The following MPDZ variants were observed in gnomAD, a reference collection of about 807,000 sequenced individuals.
The protein encoded by MPDZ is multiple PDZ domain protein.
MPDZ carries 234 observed loss-of-function variants against 239.1 expected under a neutral mutation model. The ratio of observed to expected loss-of-function variants is 0.98; its 90% CI spans 0.88 to 1.09. The LOEUF is 1.09. Ranked by LOEUF, MPDZ falls within the 50% of genes least tolerant of loss-of-function variation. The probability of loss-of-function intolerance (pLI) is 0.00; values close to 1 mark genes in which losing one functional copy is unlikely to be tolerated. For synonymous variants in MPDZ, 1,048 were observed against 881.3 expected, an observed-to-expected ratio of 1.19 and a Z score of -3.35; for missense variants, 3,175 against 2,510.0, an observed-to-expected ratio of 1.26 and a Z score of -5.66.
chr9:13,198,006 C>A (rs563363148), intron 12 of MPDZ, among the ~76,000 whole-genome samples: 1 of 152,210 alleles, frequency 6.6e-6, no homozygotes, highest in Non-Finnish European at 1.5e-5. Flanking sequence ...TTGATCGGCA[C>A]TTAGGTTGCT....
chr9:13,250,362 A>G lies in MPDZ; in HGVS notation c.-47T>C. On this transcript the variant is annotated 5_prime_UTR_variant, in exon 2 of 47. Coordinates refer to ENST00000319217, the MANE Select transcript of MPDZ (RefSeq NM_001378778.1). ...TTCTCTGAAATGATTAACAGCAATT[A>G]AAATGGAACTCTGTGCAAAAAAGAA... The G allele has an allele frequency of 6.5e-7, 1 of 1,527,860 alleles. No individual in the cohort carries two copies. The highest frequency in any genetic ancestry group is 8.9e-7 in the Non-Finnish European group (1 of 1,120,506). The allele number at this position is 1,527,860 out of a possible 1,614,324, so 94.6% of individuals were successfully genotyped here. A position where few individuals can be genotyped will look rare whatever the true frequency, so the allele number is the denominator to read the frequency against.
At chr9:13,258,572 T>A (rs1969969713) in intron 1 of MPDZ, among the ~76,000 whole-genome samples, 1 of 152,240 alleles carries the variant, frequency 6.6e-6, no homozygotes, top group Non-Finnish European at 1.5e-5. Flanking sequence ...GCAATATTTA[T>A]ACTTTCAGTC....
rs145384556 is a variant in MPDZ, at chr9:13,112,862, A to T, written c.5601+149T>A. The T allele has an allele frequency of 3.5e-4, 274 of 773,598 alleles. 1 individual carries two copies. In the African/African-American group the frequency reaches 4.3e-3, roughly 12 times the overall value. The allele number at this position is 773,598 out of a possible 1,614,324, so 47.9% of individuals were successfully genotyped here. A position where few individuals can be genotyped will look rare whatever the true frequency, so the allele number is the denominator to read the frequency against. On this transcript the variant is annotated intron_variant, in intron 42 of 46. Transcript: ENST00000319217. The stretch of plus-strand genomic sequence containing the variant: ...GCTGTGATCAGGAAATTCATTAAGG[A>T]CTACATTATGTTATTTCACATGTAA...
chr9:13,193,366 A>C lies in MPDZ; in HGVS notation c.1657-53T>G, dbSNP rs1052215089. On this transcript the variant is annotated intron_variant, in intron 13 of 46. Coordinates refer to ENST00000319217, the MANE Select transcript of MPDZ (RefSeq NM_001378778.1). ...CAATTTTTATATTCTTTTTATTTTTACTCATGCACACATTTTATGTTTTAT... is the reference window on the plus strand; with the variant it reads ...CAATTTTTATATTCTTTTTATTTTTCCTCATGCACACATTTTATGTTTTAT... 274 of 1,514,388 alleles carry C rather than the reference A, an allele frequency of 1.8e-4. 2 individuals are homozygous for C. Among genetic ancestry groups the C allele is most frequent in the Admixed American group, 4.3e-4 (22 of 50,970 alleles). 93.8% of individuals were successfully genotyped at this position (1,514,388 alleles called of 1,614,324 possible). A position where few individuals can be genotyped will look rare whatever the true frequency, so the allele number is the denominator to read the frequency against.
At chr9:13,200,491 C>T (rs1402344383) in intron 12 of MPDZ, among the ~76,000 whole-genome samples, 1 of 151,826 alleles carries the variant, frequency 6.6e-6, no homozygotes, top group African/African-American at 2.4e-5. Flanking sequence ...TCTTGCTCTT[C>T]TAAGGTTCAT....
At chr9:13,168,008 G>C (rs1649592871) in intron 22 of MPDZ, among the ~76,000 whole-genome samples, 1 of 152,036 alleles carries the variant, frequency 6.6e-6, no homozygotes, top group African/African-American at 2.4e-5. Flanking sequence ...CAATTAGGTA[G>C]GGTACAATTC....
intron 27 of MPDZ, among the ~76,000 whole-genome samples, 182 bp downstream of exon 27, chr9:13,143,284 C>T (rs373261407): frequency 6.6e-6 from 1 of 152,084 alleles, no homozygotes; most frequent in East Asian, 1.9e-4. Flanking sequence ...AATAAATATT[C>T]TCTGGCAGGA....
Position 13,206,010 on chromosome 9 carries a change from C to T in MPDZ, c.1380G>A (p.Met460Ile). ...CGGCTTCCTGCTTCATTCCTCTCCT[C>T]ATTAGTGTCAGGAGCACAGTTTGTC... ...HTGQTVLLTL[M>I]RRGMKQEAEL... The change falls in exon 11 of 47, where the codon ATG becomes ATA. Residue 460 changes from methionine to isoleucine, a missense_variant. Met to Ile is a conservative substitution (Grantham distance 10). Transcript: ENST00000319217. 1 of 1,612,810 alleles carries T rather than the reference C, an allele frequency of 6.2e-7. No homozygotes were observed. Among genetic ancestry groups the T allele is most frequent in the Non-Finnish European group, 8.5e-7 (1 of 1,179,534 alleles).
At chr9:13,273,093 G>A (rs765661465) in intron 1 of MPDZ, among the ~76,000 whole-genome samples, 5 of 152,056 alleles carry the variant, frequency 3.3e-5, no homozygotes, top group Non-Finnish European at 2.9e-5. Flanking sequence ...ACAGCAACAC[G>A]GCATCATCTA....
At chr9:13,225,412 G>C (rs947774723) in intron 3 of MPDZ, among the ~76,000 whole-genome samples, 1 of 151,266 alleles carries the variant, frequency 6.6e-6, no homozygotes, top group South Asian at 2.1e-4. Context: ...CCATTATATT[G>C]GCTATCTAGT....
At chr9:13,222,949 T>TCC (rs1959225538) in intron 5 of MPDZ, among the ~76,000 whole-genome samples, 2 of 151,760 alleles carry the variant, frequency 1.3e-5, no homozygotes, top group Admixed American at 6.6e-5. Context: ...GGGGATCAAA[T>TCC]ATACTCAAAA....
intron 1 of MPDZ, among the ~76,000 whole-genome samples, chr9:13,275,929 C>CA: frequency 6.6e-6 from 1 of 152,212 alleles, no homozygotes; most frequent in South Asian, 2.1e-4. Context: ...TACTTCATAT[C>CA]AAAAAAACTT....
chr9:13,138,140 C>G lies in MPDZ; in HGVS notation c.4017G>C (p.Glu1339Asp). Residue 1339 changes from glutamate (E) to aspartate (D), a missense_variant, in exon 29 of 47, where the codon GAG becomes GAC. By Grantham distance (45) the Glu-to-Asp change is conservative. Transcript: ENST00000319217. ...GCTCGCCTGTTAGGGTTCCATAACG[C>G]TCTCTGATATTTTCTACATACAACA... ...EFGYSWKNIR[E>D]RYGTLTGELH... 3 of 1,583,308 alleles carry G rather than the reference C, an allele frequency of 1.9e-6. No homozygotes were observed. Among genetic ancestry groups the G allele is most frequent in the Non-Finnish European group, 2.6e-6 (3 of 1,164,852 alleles).
chr9:13,112,153 T>C lies in MPDZ; in HGVS notation c.5602-7A>G. ...CCAGTGAGTCAGTAGGGCCCTGCCATGGAACAGATATAAAATTTTGGTCAA... is the reference window on the plus strand; with the variant it reads ...CCAGTGAGTCAGTAGGGCCCTGCCACGGAACAGATATAAAATTTTGGTCAA... On this transcript the variant is annotated splice_region_variant and splice_polypyrimidine_tract_variant and intron_variant, in intron 42 of 46. Transcript: ENST00000319217. 6.2e-7 allele frequency: 1 copy of C among 1,602,954 alleles called. No individual in the cohort carries two copies. The highest frequency in any genetic ancestry group is 8.5e-7 in the Non-Finnish European group (1 of 1,174,484).
chr9:13,237,265 A>G (rs1964294785), intron 3 of MPDZ, among the ~76,000 whole-genome samples: 1 of 151,452 alleles, frequency 6.6e-6, no homozygotes, highest in Non-Finnish European at 1.5e-5. Flanking sequence ...CAGCATGGCA[A>G]AAGCCCGTCT....
At chr9:13,148,177 C>A (rs998833390) in intron 25 of MPDZ, among the ~76,000 whole-genome samples, 1 of 151,972 alleles carries the variant, frequency 6.6e-6, no homozygotes, top group African/African-American at 2.4e-5. Context: ...GCAAAAGAAT[C>A]CTTGCAGTAG....
At chr9:13,251,000 A>T (rs951695654) in intron 1 of MPDZ, among the ~76,000 whole-genome samples, 34 of 151,632 alleles carry the variant, frequency 2.2e-4, no homozygotes, top group Admixed American at 2.0e-3. Flanking sequence ...GTGGTTGTGC[A>T]CACCTGTAAT....
chr9:13,159,522 G>C (rs1950218426), intron 23 of MPDZ, among the ~76,000 whole-genome samples: 2 of 152,080 alleles, frequency 1.3e-5, no homozygotes, highest in Non-Finnish European at 2.9e-5. Flanking sequence ...AATTAGCCCT[G>C]ACCTGGAAAT....
intron 3 of MPDZ, among the ~76,000 whole-genome samples, chr9:13,243,418 T>A (rs1965882328): frequency 6.6e-6 from 1 of 152,072 alleles, no homozygotes; most frequent in Non-Finnish European, 1.5e-5. Context: ...TACTCAATTT[T>A]AGTAACCCAA....
Sources: gnomAD v4.1 joint callset for allele counts (sites outside exome capture counted in the v4.1 genomes callset) on GRCh38, gnomAD v4.1.1 for gene constraint, MANE v1.5 for transcripts, NCBI Gene and HGNC (gene_info 2026-07-23, HGNC 2026-07-21) for gene names.